Variants in FAM90A1 observed in about 807,000 individuals in gnomAD.
FAM90A1 encodes the protein family with sequence similarity 90 member A1, also known as protein FAM90A1.
Under a neutral mutation model 14.8 loss-of-function variants are expected in FAM90A1, and 10 were observed. The observed-to-expected ratio is 0.67, with a 90% confidence interval of 0.42 to 1.14. FAM90A1 has a LOEUF of 1.14. FAM90A1 is among the 50% of genes most tolerant of loss of function. The pLI is 0.00. For missense variants in FAM90A1, 567 were observed against 602.8 expected (o/e 0.94, Z 0.62); for synonymous variants, 236 against 248.4 (o/e 0.95, Z 0.47).
In FAM90A1 at chr12:8,224,024, C is replaced by T. The variant is rs1204662763; in HGVS notation, c.315G>A (p.Glu105=). The T allele has an allele frequency of 1.9e-6, 3 of 1,612,056 alleles. No homozygotes were observed. In the African/African-American group the frequency reaches 4.0e-5, roughly 21 times the overall value. ...CCACTCCCACTGCTCACCTTGGTCT[C>T]TCTTCCTTCTCTCCCTTATCCTTGT... is the stretch of plus-strand genomic sequence containing the variant. The part of the protein sequence containing the change: ...PLNKDKGEKE[E]RPRPQDPQRK... The change falls in exon 5 of 7, where the codon GAG becomes GAA. Residue 105 remains glutamate (E), a synonymous_variant. Coordinates refer to ENST00000538603, the MANE Select transcript of FAM90A1 (RefSeq NM_018088.3).
In FAM90A1 at chr12:8,224,210, C is replaced by T. The variant is rs780152214; in HGVS notation, c.129G>A (p.Lys43=). 2.5e-6 allele frequency: 4 copies of T among 1,611,702 alleles called. No homozygotes were observed. The African/African-American group carries it at 5.3e-5, about 22-fold the overall frequency. The change falls in exon 5 of 7, where the codon AAG becomes AAA. Residue 43 remains lysine, a synonymous_variant. Coordinates refer to ENST00000538603, the MANE Select transcript of FAM90A1 (RefSeq NM_018088.3). ...GGCCAAAGGCCTCACAGTTTTTGCACTTGAGCTGTGGGTGGAAAGGAAGTG... is the reference window on the plus strand; with the variant it reads ...GGCCAAAGGCCTCACAGTTTTTGCATTTGAGCTGTGGGTGGAAAGGAAGTG... ...PPPDEEDPRL[K]CKNCEAFGHT... is the part of the protein sequence containing the mutation.
In FAM90A1 at chr12:8,222,523, T is replaced by C; in HGVS notation, c.694A>G (p.Ser232Gly). The C allele has an allele frequency of 1.2e-6, 2 of 1,611,826 alleles. No individual in the cohort carries two copies. Among genetic ancestry groups the C allele is most frequent in the Non-Finnish European group, 8.5e-7 (1 of 1,179,714 alleles). Residue 232 changes from serine to glycine, a missense_variant, in exon 7 of 7, where the codon AGC becomes GGC. By Grantham distance (56) the Ser-to-Gly change is moderately conservative (BLOSUM62 0). Coordinates refer to ENST00000538603, the MANE Select transcript of FAM90A1 (RefSeq NM_018088.3). ...PLLVVKPTHS[S>G]PAGGCREVPQ... Reference sequence around the variant, plus strand: ...ACTTCTCGACAGCCACCCGCAGGGCTGCTGTGTGTCGGCTTCACCACGAGG... The same window carrying C: ...ACTTCTCGACAGCCACCCGCAGGGCCGCTGTGTGTCGGCTTCACCACGAGG...
At chr12:8,227,209 G>C (rs939398676) in intron 1 of FAM90A1, among the ~76,000 whole-genome samples, 35 of 152,352 alleles carry the variant, frequency 2.3e-4, no homozygotes, top group African/African-American at 8.2e-4. Context: ...GTGAGGAGGG[G>C]GAAAAGCAGA....
At chr12:8,226,802 CTTTTTT>C (rs71042351) in intron 1 of FAM90A1, among the ~76,000 whole-genome samples, 1 of 79,788 alleles carries the variant, frequency 1.3e-5, no homozygotes, top group African/African-American at 5.8e-5. Context: ...TCATTGATGT[CTTTTTT>C]TTTTTTTTTT....
chr12:8,225,018 T>G (rs1214790820), intron 3 of FAM90A1, 130 bp from the exon 4 acceptor site: 12 of 657,262 alleles, frequency 1.8e-5, no homozygotes, highest in Non-Finnish European at 2.9e-5. Flanking sequence ...CGGTCAAATC[T>G]GTGGAACACA....
chr12:8,221,552 C>T lies in FAM90A1; in HGVS notation c.*270G>A. ...CTGACTCCTGCGCGTCATGCAGTTT[C>T]TGAGGCAACGAATCACTGGCACGGA... is the stretch of plus-strand genomic sequence containing the variant. On this transcript the variant is annotated 3_prime_UTR_variant, in exon 7 of 7. Transcript: ENST00000538603. The T allele has an allele frequency of 5.5e-6, 3 of 540,564 alleles. No individual in the cohort carries two copies. The highest frequency in any genetic ancestry group is 3.4e-5 in the East Asian group (1 of 29,504). 33.5% of individuals were successfully genotyped at this position (540,564 alleles called of 1,614,324 possible). A position where few individuals can be genotyped will look rare whatever the true frequency, so the allele number is the denominator to read the frequency against.
chr12:8,224,019 G>C lies in FAM90A1; in HGVS notation c.320C>G (p.Pro107Arg). The C allele has an allele frequency of 6.2e-7, 1 of 1,611,924 alleles. No homozygotes were observed. Among genetic ancestry groups the C allele is most frequent in the East Asian group, 2.2e-5 (1 of 44,886 alleles). The change falls in exon 5 of 7, where the codon CCA becomes CGA. Residue 107 changes from proline (P) to arginine (R), a missense_variant. Physicochemically the swap from Pro to Arg is moderately radical, Grantham distance 103 (BLOSUM62 -2). Coordinates refer to ENST00000538603, the MANE Select transcript of FAM90A1 (RefSeq NM_018088.3). ...GAAAACCACTCCCACTGCTCACCTT[G>C]GTCTCTCTTCCTTCTCTCCCTTATC... is the stretch of plus-strand genomic sequence containing the variant. The part of the protein sequence containing the change: ...NKDKGEKEER[P>R]RPQDPQRKAL...
intron 6 of FAM90A1, among the ~76,000 whole-genome samples, chr12:8,223,155 G>A (rs974358621): frequency 1.3e-5 from 2 of 152,242 alleles, no homozygotes; most frequent in African/African-American, 4.8e-5. Flanking sequence ...GCATGTTCCT[G>A]GGTTTAGCCT....
rs1948846512 is a variant in FAM90A1 at position 8,222,304 on chromosome 12, G to C, written c.913C>G (p.Pro305Ala). The C allele has an allele frequency of 6.2e-7, 1 of 1,611,498 alleles. No individual in the cohort carries two copies. Among genetic ancestry groups the C allele is most frequent in the Non-Finnish European group, 8.5e-7 (1 of 1,179,968 alleles). ...AAGGGACCCAGTCTCGGTTTCTTGG[G>C]GAAGTTCAGGCAAGCCTGAATCGGA... ...PAPIQACLNF[P>A]KKPRLGPFQI... The change falls in exon 7 of 7, where the codon CCC (proline) becomes GCC (alanine). Residue 305 changes from proline (P) to alanine (A), a missense_variant. By Grantham distance (27) the Pro-to-Ala change is conservative (BLOSUM62 -1). Coordinates refer to ENST00000538603, the MANE Select transcript of FAM90A1 (RefSeq NM_018088.3).
chr12:8,222,214 G>C lies in FAM90A1; in HGVS notation c.1003C>G (p.Pro335Ala). ...LGAPENLQPPPAATELGPRTS... is the reference protein window; with the variant it reads ...LGAPENLQPPAAATELGPRTS... ...CGTGGTCCAAGTTCGGTTGCGGCTG[G>C]CGGAGGTTGGAGATTCTCCGGGGCC... Residue 335 changes from proline to alanine, a missense_variant, in exon 7 of 7, where the codon CCA becomes GCA. Pro to Ala is a conservative substitution (Grantham distance 27). Transcript: ENST00000538603. The C allele has an allele frequency of 6.2e-7, 1 of 1,611,994 alleles. No individual in the cohort carries two copies. Among genetic ancestry groups the C allele is most frequent in the Non-Finnish European group, 8.5e-7 (1 of 1,179,992 alleles).
chr12:8,222,959 A>G (rs1431452129), intron 6 of FAM90A1, among the ~76,000 whole-genome samples, 175 bp from the exon 7 acceptor site: 6 of 152,240 alleles, frequency 3.9e-5, no homozygotes, highest in Non-Finnish European at 5.9e-5. Flanking sequence ...GACAAGACAC[A>G]TGAAAGATGC....
chr12:8,225,566 C>A (rs1466328769), intron 3 of FAM90A1, among the ~76,000 whole-genome samples: 1 of 151,696 alleles, frequency 6.6e-6, no homozygotes, highest in East Asian at 1.9e-4. Flanking sequence ...GAAGGGCAAA[C>A]CACCCTTTTT....
rs773562652 is a variant in FAM90A1 at position 8,221,801 on chromosome 12, G to A, written c.*21C>T. 2 of 1,591,298 alleles carry A rather than the reference G, an allele frequency of 1.3e-6. No homozygotes were observed. The highest frequency in any genetic ancestry group is 1.7e-6 in the Non-Finnish European group (2 of 1,175,336). On this transcript the variant is annotated 3_prime_UTR_variant, in exon 7 of 7. Transcript: ENST00000538603. ...CAAGTCACGGGAGCTGGAGGCCAAG[G>A]AGCCCCTGCCACCTGCAGTCTCACT...
At chr12:8,226,771 C>CTT (rs71042350) in intron 1 of FAM90A1, among the ~76,000 whole-genome samples, 96 of 123,366 alleles carry the variant, frequency 7.8e-4, no homozygotes, top group African/African-American at 2.6e-3. Context: ...TTCCAAGCAT[C>CTT]TTTTTTTTTT....
At chr12:8,227,315 G>A (rs930160503) in intron 1 of FAM90A1, among the ~76,000 whole-genome samples, 165 bp downstream of exon 1, 21 of 152,184 alleles carry the variant, frequency 1.4e-4, no homozygotes, top group Admixed American at 1.2e-3. Context: ...TGGAACCTGC[G>A]CCGTGTGCTC....
rs777845720 is a variant in FAM90A1 at position 8,222,073 on chromosome 12, G to A, written c.1144C>T (p.Pro382Ser). The change falls in exon 7 of 7, where the codon CCA becomes TCA. Residue 382 changes from proline to serine, a missense_variant. Pro to Ser is a moderately conservative substitution (Grantham distance 74). Transcript: ENST00000538603. The part of the protein sequence containing the change: ...TAQACTMSHH[P>S]AASHDGAQPL... ...TGGGCCCCATCATGGCTGGCCGCTGGGTGATGGGACATGGTGCAGGCCTGG... is the reference window on the plus strand; with the variant it reads ...TGGGCCCCATCATGGCTGGCCGCTGAGTGATGGGACATGGTGCAGGCCTGG... 82 of 1,607,880 alleles carry A rather than the reference G, an allele frequency of 5.1e-5. No homozygotes were observed. Among genetic ancestry groups the A allele is most frequent in the Non-Finnish European group, 5.4e-5 (64 of 1,179,988 alleles).
At position 8,222,289 on chromosome 12, in the gene FAM90A1, G is replaced by C; in HGVS notation, c.928C>G (p.Leu310Val). The change falls in exon 7 of 7, where the codon CTG becomes GTG. Residue 310 changes from leucine to valine, a missense_variant. By Grantham distance (32) the Leu-to-Val change is conservative. Coordinates refer to ENST00000538603, the MANE Select transcript of FAM90A1 (RefSeq NM_018088.3). ...CTTTCGGGGATCTGGAAGGGACCCA[G>C]TCTCGGTTTCTTGGGGAAGTTCAGG... Reference protein sequence around the residue: ...ACLNFPKKPRLGPFQIPESAI... With the variant: ...ACLNFPKKPRVGPFQIPESAI... The C allele has an allele frequency of 1.9e-6, 3 of 1,611,432 alleles. No individual in the cohort carries two copies. The highest frequency in any genetic ancestry group is 2.5e-6 in the Non-Finnish European group (3 of 1,179,956).
chr12:8,223,612 G>A (rs1461071718), intron 5 of FAM90A1, 55 bp from the exon 6 acceptor site: 7 of 1,035,162 alleles, frequency 6.8e-6, no homozygotes, highest in East Asian at 4.8e-5. Context: ...AGGAGACGGG[G>A]AGAACCCTGT....
Position 8,223,472 on chromosome 12 carries a change from T to C in FAM90A1, c.409A>G (p.Thr137Ala), listed in dbSNP as rs76702974. Residue 137 changes from threonine (T) to alanine (A), a missense_variant, in exon 6 of 7, where the codon ACG becomes GCG. Transcript: ENST00000538603. ...EKPLPNQKGS[T>A]ESSDYLRVAS... is the part of the protein sequence containing the mutation. ...ACCCTCAGATAATCAGAAGATTCCGTGGATCCTTTTTGATTTGGCAGCGGC... is the reference window on the plus strand; with the variant it reads ...ACCCTCAGATAATCAGAAGATTCCGCGGATCCTTTTTGATTTGGCAGCGGC... 29,092 of 1,607,576 alleles carry C rather than the reference T, an allele frequency of 0.018. 255 individuals are homozygous for C. The highest frequency in any genetic ancestry group is 0.029 in the African/African-American group (2,178 of 74,920).
Sources: allele counts gnomAD v4.1 joint callset (sites outside exome capture counted in the v4.1 genomes callset), GRCh38; gene constraint gnomAD v4.1.1; transcripts MANE v1.5; gene names NCBI Gene and HGNC (gene_info 2026-07-23, HGNC 2026-07-21).